Variants in CCDC6 observed in about 807,000 individuals in gnomAD.
CCDC6 encodes coiled-coil domain-containing protein 6.
In CCDC6, 20 loss-of-function variants were observed where a neutral mutation model predicts 56.6. The observed-to-expected ratio is 0.35, with a 90% CI of 0.25 to 0.51. CCDC6 has a LOEUF of 0.51. Among genes scored for constraint, CCDC6 ranks in the 20% least tolerant of loss-of-function variants. The probability of loss-of-function intolerance (pLI) is 0.95; values close to 1 mark genes in which losing one functional copy is unlikely to be tolerated. For synonymous variants in CCDC6, 241 were observed against 234.4 expected (o/e 1.03, Z -0.26); for missense variants, 367 against 601.1 (o/e 0.61, Z 4.07).
chr10:59,905,904 C>A (rs2071541412), intron 1 of CCDC6, among the ~76,000 whole-genome samples: 1 of 152,202 alleles, frequency 6.6e-6, no homozygotes, highest in African/African-American at 2.4e-5. Flanking sequence ...TCCCCCGCAC[C>A]GCGCAAGGGT....
intron 1 of CCDC6, among the ~76,000 whole-genome samples, chr10:59,867,445 AAG>A (rs1157532953): frequency 1.3e-5 from 2 of 152,216 alleles, no homozygotes; most frequent in African/African-American, 4.8e-5. Context: ...ATTCTCTCTG[AAG>A]CCTGCTACTT....
intron 1 of CCDC6, among the ~76,000 whole-genome samples, chr10:59,905,341 G>C (rs1392243134): frequency 6.6e-6 from 1 of 152,174 alleles, no homozygotes; most frequent in Admixed American, 6.5e-5. Flanking sequence ...TCTAGACTCA[G>C]AAGCAAGATA....
chr10:59,804,530 G>C lies in CCDC6; in HGVS notation c.1005-10C>G, dbSNP rs764402401. The C allele has an allele frequency of 3.3e-6, 5 of 1,528,734 alleles. No individual in the cohort carries two copies. Among genetic ancestry groups the C allele is most frequent in the Non-Finnish European group, 3.6e-6 (4 of 1,102,110 alleles). The allele number at this position is 1,528,734 out of a possible 1,614,324, so 94.7% of individuals were successfully genotyped here. Reference sequence around the variant, plus strand: ...CATCTCATTAAAATACCTAAGAGGAGAGAGGAGGAAACGATAAAACCACCT... The same window carrying C: ...CATCTCATTAAAATACCTAAGAGGACAGAGGAGGAAACGATAAAACCACCT... On this transcript the variant is annotated splice_polypyrimidine_tract_variant and intron_variant, in intron 6 of 8. Coordinates refer to ENST00000263102, the MANE Select transcript of CCDC6 (RefSeq NM_005436.5).
chr10:59,875,113 G>C (rs936286325), intron 1 of CCDC6, among the ~76,000 whole-genome samples: 3 of 152,100 alleles, frequency 2.0e-5, no homozygotes, highest in Non-Finnish European at 4.4e-5. Context: ...TGTTCAGTTG[G>C]GAAAAAACAT....
intron 2 of CCDC6, among the ~76,000 whole-genome samples, chr10:59,836,976 A>G (rs2070888279): frequency 6.6e-6 from 1 of 152,252 alleles, no homozygotes; most frequent in Non-Finnish European, 1.5e-5. Flanking sequence ...ATTTTCTTGT[A>G]TCATCCACTG....
At chr10:59,804,101 G>C (rs1380944727) in intron 7 of CCDC6, among the ~76,000 whole-genome samples, 1 of 151,866 alleles carries the variant, frequency 6.6e-6, no homozygotes, top group East Asian at 1.9e-4. Context: ...TCTACCTAAG[G>C]CTTTTTTGTC....
chr10:59,864,865 C>G (rs2071163794), intron 1 of CCDC6, among the ~76,000 whole-genome samples: 1 of 152,176 alleles, frequency 6.6e-6, no homozygotes, highest in Non-Finnish European at 1.5e-5. Context: ...CAAAAAAGGG[C>G]TGTGCCTAAC....
chr10:59,895,907 T>C (rs1474271743), intron 1 of CCDC6, among the ~76,000 whole-genome samples: 1 of 152,204 alleles, frequency 6.6e-6, no homozygotes, highest in Non-Finnish European at 1.5e-5. Context: ...ATCTGCCCTG[T>C]GGATAGGCGA....
chr10:59,810,977 G>A, intron 5 of CCDC6, among the ~76,000 whole-genome samples: 1 of 152,168 alleles, frequency 6.6e-6, no homozygotes, highest in Admixed American at 6.5e-5. Context: ...GGCAGAGGTG[G>A]GGTGGTACGA....
intron 1 of CCDC6, among the ~76,000 whole-genome samples, chr10:59,891,587 G>A (rs1359737042): frequency 6.6e-6 from 1 of 152,148 alleles, no homozygotes; most frequent in Non-Finnish European, 1.5e-5. Flanking sequence ...AACCACGGAA[G>A]GGATGACTGT....
chr10:59,811,062 C>T (rs1379832754), intron 5 of CCDC6, among the ~76,000 whole-genome samples: 2 of 152,132 alleles, frequency 1.3e-5, no homozygotes, highest in African/African-American at 4.8e-5. Flanking sequence ...ACAGAGGCTC[C>T]CCAACAACCT....
At position 59,852,797 on chromosome 10, in the gene CCDC6, G is replaced by A; in HGVS notation, c.304-95C>T. ...AAATATAGTTCTTATTTCCAGAAAG[G>A]GTACCCATTTTAAATAGAGCTCTAT... On this transcript the variant is annotated intron_variant, in intron 1 of 8. Coordinates refer to ENST00000263102, the MANE Select transcript of CCDC6 (RefSeq NM_005436.5). 2.9e-6 allele frequency: 3 copies of A among 1,041,140 alleles called. No individual in the cohort carries two copies. In the South Asian group the frequency reaches 6.2e-5, roughly 21 times the overall value. The allele number at this position is 1,041,140 out of a possible 1,614,324, so 64.5% of individuals were successfully genotyped here.
At chr10:59,828,092 G>C (rs1261864857) in intron 3 of CCDC6, among the ~76,000 whole-genome samples, 2 of 152,082 alleles carry the variant, frequency 1.3e-5, no homozygotes, top group Non-Finnish European at 2.9e-5. Context: ...TTTTCCCTAA[G>C]TGGCAGAACA....
intron 7 of CCDC6, among the ~76,000 whole-genome samples, chr10:59,795,536 A>G (rs1219612906): frequency 1.3e-5 from 2 of 151,628 alleles, no homozygotes; most frequent in African/African-American, 2.4e-5. Context: ...GGTTAGTTAC[A>G]TATGTATACA....
intron 7 of CCDC6, among the ~76,000 whole-genome samples, chr10:59,799,661 C>T (rs1210965580): frequency 6.6e-6 from 1 of 152,116 alleles, no homozygotes; most frequent in South Asian, 2.1e-4. Context: ...AATGGTGTGC[C>T]CTAGCCTGAG....
At chr10:59,843,612 T>C (rs955366776) in intron 2 of CCDC6, among the ~76,000 whole-genome samples, 1 of 152,228 alleles carries the variant, frequency 6.6e-6, no homozygotes, top group Non-Finnish European at 1.5e-5. Flanking sequence ...TGGAATCTCA[T>C]ATCTTCATGT....
intron 2 of CCDC6, among the ~76,000 whole-genome samples, chr10:59,846,626 T>C (rs1477339356): frequency 6.6e-6 from 1 of 152,216 alleles, no homozygotes; most frequent in Non-Finnish European, 1.5e-5. Flanking sequence ...GCTACAATAA[T>C]TTTTATTATA....
intron 1 of CCDC6, among the ~76,000 whole-genome samples, chr10:59,860,810 G>T (rs544432519): frequency 3.3e-5 from 5 of 152,292 alleles, no homozygotes; most frequent in African/African-American, 1.2e-4. Context: ...CACTTTAGGA[G>T]GCCAAGGCGG....
Position 59,852,688 on chromosome 10 carries a change from C to A in CCDC6, c.318G>T (p.Glu106Asp). The A allele has an allele frequency of 6.3e-7, 1 of 1,581,624 alleles. No individual in the cohort carries two copies. The highest frequency in any genetic ancestry group is 8.6e-7 in the Non-Finnish European group (1 of 1,169,170). The change falls in exon 2 of 9, where the codon GAG (glutamate) becomes GAT (aspartate). Residue 106 changes from glutamate to aspartate, a missense_variant. Glu to Asp is a conservative substitution (Grantham distance 45). Around this residue, in one of 7 missense-constraint regions of CCDC6, gnomAD observed 41 missense variants for 90.8 expected, o/e 0.45. Coordinates refer to ENST00000263102, the MANE Select transcript of CCDC6 (RefSeq NM_005436.5). The stretch of plus-strand genomic sequence containing the variant: ...TGTTACTAATGAATTCTTCTTCCTG[C>A]TCAGCCCTGGCTTGCTGTTTAAAAA... ...KASVTIQARAEQEEEFISNTL... is the reference protein window; with the variant it reads ...KASVTIQARADQEEEFISNTL...
Sources: allele counts gnomAD v4.1 joint callset (sites outside exome capture counted in the v4.1 genomes callset), GRCh38; gene constraint gnomAD v4.1.1; regional missense constraint gnomAD v4.1.1; transcripts MANE v1.5; gene names NCBI Gene and HGNC (gene_info 2026-07-23, HGNC 2026-07-21).